ASTN2: variants seen among roughly 807,000 people sequenced by gnomAD.
The protein encoded by ASTN2 is astrotactin-2.
A neutral mutation model predicts 139.8 loss-of-function variants in ASTN2; 54 were observed. That is an observed-to-expected ratio of 0.39 (90% CI 0.31 to 0.48). The LOEUF (loss-of-function observed/expected upper bound fraction) is 0.48, where lower values mean the gene tolerates loss of function less well. Among genes scored for constraint, ASTN2 ranks in the 20% least tolerant of loss-of-function variants. The pLI, the probability that ASTN2 is intolerant of heterozygous loss-of-function variation, is 0.95. For missense variants in ASTN2, 1,565 were observed against 1,725.1 expected, an observed-to-expected ratio of 0.91 and a Z score of 1.64; for synonymous variants, 756 against 719.5, an observed-to-expected ratio of 1.05 and a Z score of -0.81.
At chr9:117,239,150 A>T (rs1370618192) in intron 2 of ASTN2, among the ~76,000 whole-genome samples, 1 of 152,144 alleles carries the variant, frequency 6.6e-6, no homozygotes, top group East Asian at 1.9e-4. Flanking sequence ...CATTTGGGGA[A>T]CCAAGAGGCC....
chr9:117,176,714 C>T (rs1011547061), intron 3 of ASTN2, among the ~76,000 whole-genome samples: 1 of 152,142 alleles, frequency 6.6e-6, no homozygotes, highest in Non-Finnish European at 1.5e-5. Context: ...GGGAGGCTTG[C>T]TCAAGGCCAG....
At chr9:116,533,302 G>A (rs1474278509) in intron 19 of ASTN2, among the ~76,000 whole-genome samples, 1 of 152,170 alleles carries the variant, frequency 6.6e-6, no homozygotes, top group East Asian at 1.9e-4. Flanking sequence ...CATGTCATCT[G>A]CAAACAGGGA....
chr9:116,550,549 A>C (rs1319937831), intron 19 of ASTN2, among the ~76,000 whole-genome samples: 1 of 152,162 alleles, frequency 6.6e-6, no homozygotes, highest in Non-Finnish European at 1.5e-5. Flanking sequence ...CTCTGAAAAC[A>C]GTGTGGGCAA....
chr9:117,252,521 T>C (rs1018079172), intron 2 of ASTN2, among the ~76,000 whole-genome samples: 2 of 152,204 alleles, frequency 1.3e-5, no homozygotes, highest in Non-Finnish European at 2.9e-5. Context: ...CCAGGCTCTG[T>C]CCACATGGTG....
intron 1 of ASTN2, among the ~76,000 whole-genome samples, chr9:117,330,708 C>G (rs1828679344): frequency 6.6e-6 from 1 of 152,154 alleles, no homozygotes; most frequent in Non-Finnish European, 1.5e-5. Flanking sequence ...GCAATGTACC[C>G]CTTTTAACAA....
chr9:116,501,421 A>C (rs1286808871), intron 19 of ASTN2, among the ~76,000 whole-genome samples: 1 of 152,112 alleles, frequency 6.6e-6, no homozygotes, highest in Non-Finnish European at 1.5e-5. Context: ...TGCCGCAATA[A>C]ACATACGTGT....
intron 1 of ASTN2, among the ~76,000 whole-genome samples, chr9:117,319,809 C>T (rs918070560): frequency 5.9e-5 from 9 of 151,754 alleles, no homozygotes; most frequent in Admixed American, 4.6e-4. Context: ...TTAGACACAA[C>T]AAAAAATGAG....
intron 3 of ASTN2, among the ~76,000 whole-genome samples, chr9:117,161,838 A>G (rs1295502924): frequency 1.3e-5 from 2 of 149,600 alleles, no homozygotes; most frequent in East Asian, 3.9e-4. Context: ...CAACTGTCCA[A>G]ACAATTTTCA....
chr9:117,337,800 G>A (rs1378283031), intron 1 of ASTN2, among the ~76,000 whole-genome samples: 1 of 152,138 alleles, frequency 6.6e-6, no homozygotes, highest in Non-Finnish European at 1.5e-5. Flanking sequence ...GCCAAGGGGA[G>A]AAGCAGAAGC....
At chr9:116,886,961 C>A (rs141218003) in intron 10 of ASTN2, among the ~76,000 whole-genome samples, 1 of 152,096 alleles carries the variant, frequency 6.6e-6, no homozygotes, top group East Asian at 1.9e-4. Flanking sequence ...CAGGGATGGC[C>A]TTCTTGATAA....
chr9:116,804,969 T>C (rs1830991402), intron 13 of ASTN2, among the ~76,000 whole-genome samples: 1 of 152,106 alleles, frequency 6.6e-6, no homozygotes, highest in South Asian at 2.1e-4. Flanking sequence ...TTCTCTTCTT[T>C]AGGCAGAACA....
chr9:117,233,423 C>T lies in ASTN2; in HGVS notation c.631-18681G>A, dbSNP rs181643151. Among the ~76,000 whole-genome samples, 145 of 152,230 alleles carry T rather than the reference C, an allele frequency of 9.5e-4. 2 individuals are homozygous for T. Among genetic ancestry groups the T allele is most frequent in the African/African-American group, 3.4e-3 (141 of 41,524 alleles). On this transcript the variant is annotated intron_variant, in intron 2 of 22. Coordinates refer to ENST00000313400, the MANE Select transcript of ASTN2 (RefSeq NM_001365068.1). ...AACAATCATTTACCTTCCCTGACTC[C>T]CAGGGTGGTTGGGAGAATCAATGAA... is the stretch of plus-strand genomic sequence containing the variant.
chr9:116,901,620 T>A (rs1207078953), intron 10 of ASTN2, among the ~76,000 whole-genome samples: 1 of 152,214 alleles, frequency 6.6e-6, no homozygotes, highest in African/African-American at 2.4e-5. Flanking sequence ...CACATACAAT[T>A]AATGTGCAGT....
At chr9:116,716,587 A>G (rs1828319749) in intron 16 of ASTN2, among the ~76,000 whole-genome samples, 1 of 152,188 alleles carries the variant, frequency 6.6e-6, no homozygotes, top group African/African-American at 2.4e-5. Context: ...CCCATGACAG[A>G]CATTGCTAAG....
At chr9:116,789,824 A>G (rs536264988) in intron 13 of ASTN2, among the ~76,000 whole-genome samples, 8 of 152,210 alleles carry the variant, frequency 5.3e-5, no homozygotes, top group Admixed American at 4.6e-4. Context: ...TTTTGGAGTA[A>G]GTGGTATCTC....
Position 117,098,336 on chromosome 9 carries a change from G to A in ASTN2, c.1169-2185C>T, listed in dbSNP as rs1370016116. 2.0e-5 allele frequency among the ~76,000 whole-genome samples: 3 copies of A among 152,278 alleles called. No homozygotes were observed. In the East Asian group the frequency reaches 5.8e-4, roughly 29 times the overall value. On this transcript the variant is annotated intron_variant, in intron 4 of 22. Coordinates refer to ENST00000313400, the MANE Select transcript of ASTN2 (RefSeq NM_001365068.1). The stretch of plus-strand genomic sequence containing the variant: ...TGATTTGCTAATAATGAGTGAAGGT[G>A]GACTTCGAAACCAGGTGGAACTAAT...
intron 10 of ASTN2, among the ~76,000 whole-genome samples, chr9:116,972,520 T>C (rs1304893389): frequency 6.6e-6 from 1 of 152,190 alleles, no homozygotes; most frequent in Non-Finnish European, 1.5e-5. Flanking sequence ...GTGAAACTGA[T>C]GAGCTATAGA....
intron 16 of ASTN2, chr9:116,686,731 C>T (rs777077560): frequency 1.3e-6 from 2 of 1,550,444 alleles, no homozygotes; most frequent in African/African-American, 1.4e-5. Context: ...GCAGAGTGTA[C>T]TCCCCAAGTC....
intron 13 of ASTN2, among the ~76,000 whole-genome samples, chr9:116,757,443 T>C (rs1190814080): frequency 2.0e-5 from 3 of 152,130 alleles, no homozygotes; most frequent in African/African-American, 7.2e-5. Context: ...GGGTGTGAGA[T>C]ATGTGGGTGG....
Sources: gnomAD v4.1 joint callset for allele counts (sites outside exome capture counted in the v4.1 genomes callset) on GRCh38, gnomAD v4.1.1 for gene constraint, MANE v1.5 for transcripts, NCBI Gene and HGNC (gene_info 2026-07-23, HGNC 2026-07-21) for gene names.